The following MTCL1 variants were observed in gnomAD, a reference collection of about 807,000 sequenced individuals.
MTCL1 encodes microtubule cross-linking factor 1.
In MTCL1, 79 loss-of-function variants were observed where a neutral mutation model predicts 141.4. The ratio of observed to expected loss-of-function variants is 0.56; its 90% CI spans 0.47 to 0.67. The LOEUF (loss-of-function observed/expected upper bound fraction) is 0.67, where lower values mean the gene tolerates loss of function less well. Ranked by LOEUF, MTCL1 falls within the 30% of genes least tolerant of loss-of-function variation. The pLI, the probability that MTCL1 is intolerant of heterozygous loss-of-function variation, is 0.00. For missense variants in MTCL1, 2,177 were observed against 2,113.9 expected, an observed-to-expected ratio of 1.03 and a Z score of -0.59; for synonymous variants, 914 against 875.8, an observed-to-expected ratio of 1.04 and a Z score of -0.77.
Position 8,826,300 on chromosome 18 carries a change from G to A in MTCL1, c.4722+68G>A, listed in dbSNP as rs2077025227. 24 of 1,372,258 alleles carry A rather than the reference G, an allele frequency of 1.7e-5. No individual in the cohort carries two copies. The South Asian group carries it at 3.3e-4, about 19-fold the overall frequency. 85.0% of individuals were successfully genotyped at this position (1,372,258 alleles called of 1,614,324 possible). On this transcript the variant is annotated intron_variant, in intron 15 of 16. Coordinates refer to ENST00000359865, the Ensembl canonical transcript of MTCL1. The stretch of plus-strand genomic sequence containing the variant: ...TCCCTTTAGCTGTGGGGCAGGTTGG[G>A]ACTTGGGATTGTGCTCTGTCATTTG...
intron 4 of MTCL1, among the ~76,000 whole-genome samples, chr18:8,762,561 C>G (rs991062778): frequency 6.6e-6 from 1 of 152,238 alleles, no homozygotes; most frequent in South Asian, 2.1e-4. Context: ...AGAAAAGATG[C>G]TGTCCCACAG....
chr18:8,821,375 G>C (rs1388683121), intron 13 of MTCL1, 92 bp from the exon 13 acceptor site: 2 of 788,172 alleles, frequency 2.5e-6, no homozygotes, highest in African/African-American at 1.7e-5. Flanking sequence ...TGGTTTCCTG[G>C]GGGTGCAGAG....
intron 6 of MTCL1, 77 bp downstream of exon 5, chr18:8,784,920 T>G: frequency 1.6e-6 from 2 of 1,276,598 alleles, no homozygotes. Context: ...GCACTCGGGC[T>G]CACGCTGCTC....
intron 8 of MTCL1, among the ~76,000 whole-genome samples, chr18:8,794,649 TAA>T (rs1292207531): frequency 6.6e-6 from 1 of 152,034 alleles, no homozygotes; most frequent in Non-Finnish European, 1.5e-5. Flanking sequence ...TAAAAGAAAA[TAA>T]AACTACAGGA....
At chr18:8,720,215 C>T in intron 3 of MTCL1, 123 bp from the exon 3 acceptor site, 1 of 868,612 alleles carries the variant, frequency 1.2e-6, no homozygotes, top group Non-Finnish European at 1.8e-6. Flanking sequence ...TTGTGTATTG[C>T]CAGGGTCTTT....
chr18:8,723,354 G>A (rs1271010622), intron 4 of MTCL1, among the ~76,000 whole-genome samples: 1 of 152,194 alleles, frequency 6.6e-6, no homozygotes, highest in East Asian at 1.9e-4. Context: ...CTTTGCTCTG[G>A]GGTGAGGATA....
At chr18:8,743,199 G>A (rs2148917626) in intron 4 of MTCL1, among the ~76,000 whole-genome samples, 1 of 152,308 alleles carries the variant, frequency 6.6e-6, no homozygotes. Flanking sequence ...TGTTCTAGCT[G>A]GCTAGTAAGG....
chr18:8,707,005 G>A (rs991834838), intron 1 of MTCL1: 2 of 378,192 alleles, frequency 5.3e-6, no homozygotes, highest in Non-Finnish European at 9.4e-6. Flanking sequence ...GGGCAGAGGA[G>A]GCTGTAATCG....
At chr18:8,740,171 A>G (rs1427177351) in intron 4 of MTCL1, among the ~76,000 whole-genome samples, 2 of 152,254 alleles carry the variant, frequency 1.3e-5, no homozygotes, top group African/African-American at 2.4e-5. Context: ...GGCAGGCATC[A>G]TAGTAATTGG....
chr18:8,829,125 A>G (rs1335567280), intron 16 of MTCL1: 2 of 985,352 alleles, frequency 2.0e-6, no homozygotes, highest in African/African-American at 1.7e-5. Context: ...GAACAGATTG[A>G]TAAGGCCAGA....
chr18:8,749,250 C>T (rs954278174), intron 4 of MTCL1, among the ~76,000 whole-genome samples: 3 of 152,164 alleles, frequency 2.0e-5, no homozygotes, highest in African/African-American at 7.2e-5. Context: ...ATGCAGTTGC[C>T]GCTGCCTCAG....
At position 8,785,279 on chromosome 18, in the gene MTCL1, G is replaced by A. The variant is rs549398931; in HGVS notation, c.1731+436G>A. ...CAGGATAATTAGCAGACTCGCTAAC[G>A]AGCACGTCCCTTCCTGGGTGTGTTT... On this transcript the variant is annotated intron_variant, in intron 6 of 16. Coordinates refer to ENST00000359865, the Ensembl canonical transcript of MTCL1. 1.3e-4 allele frequency among the ~76,000 whole-genome samples: 20 copies of A among 152,246 alleles called. No individual in the cohort carries two copies. The South Asian group carries it at 1.5e-3, about 11-fold the overall frequency.
chr18:8,817,252 C>CT (rs35022661), intron 12 of MTCL1, among the ~76,000 whole-genome samples: 1,919 of 118,202 alleles, frequency 0.016, 28 homozygotes, highest in African/African-American at 0.033. Flanking sequence ...AAAGCCTTCC[C>CT]TTTTTTTTTT....
At chr18:8,826,762 C>T (rs1334692671) in intron 15 of MTCL1, among the ~76,000 whole-genome samples, 1 of 152,180 alleles carries the variant, frequency 6.6e-6, no homozygotes, top group Non-Finnish European at 1.5e-5. Context: ...AATCACTTAC[C>T]CTCTTTGTGG....
intron 4 of MTCL1, among the ~76,000 whole-genome samples, chr18:8,759,011 G>A (rs924504668): frequency 2.6e-5 from 4 of 152,232 alleles, no homozygotes; most frequent in African/African-American, 9.6e-5. Context: ...AGAAGGACAA[G>A]AGGACAGCAG....
At chr18:8,711,881 C>A (rs542890981) in intron 1 of MTCL1, among the ~76,000 whole-genome samples, 1 of 152,210 alleles carries the variant, frequency 6.6e-6, no homozygotes, top group South Asian at 2.1e-4. Context: ...TTTGGTAAAG[C>A]GCTGGTGTGT....
chr18:8,805,486 CCA>C (rs1313272806), intron 10 of MTCL1, among the ~76,000 whole-genome samples: 3 of 152,172 alleles, frequency 2.0e-5, no homozygotes, highest in Middle Eastern at 3.2e-3. Context: ...AAACATCCAT[CCA>C]AAGTATCTTA....
At chr18:8,807,165 G>A (rs1048792745) in intron 11 of MTCL1, 105 bp downstream of exon 10, 1 of 1,228,310 alleles carries the variant, frequency 8.1e-7, no homozygotes, top group Non-Finnish European at 1.1e-6. Context: ...TGGGCTTCTT[G>A]TCCAGGAAAA....
At position 8,722,461 on chromosome 18, in the gene MTCL1, A is replaced by G. The variant is rs186026876; in HGVS notation, c.357+1965A>G. On this transcript the variant is annotated intron_variant, in intron 4 of 16. Coordinates refer to ENST00000359865, the Ensembl canonical transcript of MTCL1. ...CCCAAAACTTAACTAATAATAGCCT[A>G]CTGTAGACTGGAAGCCTTCCTGATA... is the stretch of plus-strand genomic sequence containing the variant. 3.3e-5 allele frequency among the ~76,000 whole-genome samples: 5 copies of G among 152,356 alleles called. No individual in the cohort carries two copies. The East Asian group carries it at 9.6e-4, about 29-fold the overall frequency.
Sources: gnomAD v4.1 joint callset for allele counts (sites outside exome capture counted in the v4.1 genomes callset) on GRCh38, gnomAD v4.1.1 for gene constraint, MANE v1.5 for transcripts, NCBI Gene and HGNC (gene_info 2026-07-23, HGNC 2026-07-21) for gene names.